The following ADGRL2 variants were observed in gnomAD, a reference collection of about 807,000 sequenced individuals.
ADGRL2 encodes calcium-independent alpha-latrotoxin receptor 2.
ADGRL2 carries 44 observed loss-of-function variants against 157.4 expected under a neutral mutation model. The ratio of observed to expected loss-of-function variants is 0.28; its 90% CI spans 0.22 to 0.36. The LOEUF (loss-of-function observed/expected upper bound fraction) is 0.36. ADGRL2 is among the 10% of genes least tolerant of loss of function. The pLI is 1.00. For missense variants in ADGRL2, 1,510 were observed against 1,768.9 expected (o/e 0.85, Z 2.63); for synonymous variants, 585 against 624.7 (o/e 0.94, Z 0.95).
intron 4 of ADGRL2, among the ~76,000 whole-genome samples, chr1:81,938,800 A>G (rs1400903849): frequency 2.4e-5 from 2 of 84,236 alleles, no homozygotes; most frequent in Non-Finnish European, 4.8e-5. Flanking sequence ...TTCTAATCCT[A>G]TGTAGGACAG....
At chr1:81,616,746 G>C (rs571770283) in intron 3 of ADGRL2, among the ~76,000 whole-genome samples, 1 of 139,836 alleles carries the variant, frequency 7.2e-6, no homozygotes. Context: ...GCACAATCTC[G>C]GCTCACTGTA....
intron 1 of ADGRL2, among the ~76,000 whole-genome samples, chr1:81,429,280 T>C (rs1277623604): frequency 6.6e-6 from 1 of 151,624 alleles, no homozygotes; most frequent in African/African-American, 2.4e-5. Flanking sequence ...ACTGTTACCT[T>C]TTTTTTTAAC....
chr1:81,391,097 G>A (rs569177318), intron 1 of ADGRL2, among the ~76,000 whole-genome samples: 1 of 152,252 alleles, frequency 6.6e-6, no homozygotes, highest in Non-Finnish European at 1.5e-5. Context: ...TATGCTGTTT[G>A]AAGTGTAACA....
chr1:81,507,010 C>T (rs549666158), intron 2 of ADGRL2, among the ~76,000 whole-genome samples: 9 of 151,900 alleles, frequency 5.9e-5, no homozygotes, highest in African/African-American at 2.2e-4. Context: ...TAGGAGGAGA[C>T]AGAAAATAAA....
At chr1:81,911,268 A>C (rs2094714526) in intron 3 of ADGRL2, among the ~76,000 whole-genome samples, 1 of 152,208 alleles carries the variant, frequency 6.6e-6, no homozygotes, top group South Asian at 2.1e-4. Context: ...TATTTGTTTT[A>C]ATATTTTATA....
intron 1 of ADGRL2, among the ~76,000 whole-genome samples, chr1:81,831,415 TG>T (rs1411481561): frequency 6.6e-6 from 1 of 152,208 alleles, no homozygotes; most frequent in Non-Finnish European, 1.5e-5. Flanking sequence ...GCTATTCTTT[TG>T]GTGTTTCCTC....
At position 81,440,529 on chromosome 1, in the gene ADGRL2, C is replaced by A. The variant is rs200108377; in HGVS notation, c.-301-4507C>A. ...CTTACCTTTGGTAAATTTAGACAAT[C>A]CCGCAGATTTTAACTACCCCATCCA... On this transcript the variant is annotated intron_variant, in intron 1 of 24. Coordinates refer to the ADGRL2 transcript ENST00000370721. Among the ~76,000 whole-genome samples the A allele has an allele frequency of 3.2e-4, 48 of 152,270 alleles. 1 individual carries two copies. The East Asian group carries it at 9.3e-3, about 29-fold the overall frequency.
At chr1:81,414,750 G>T (rs1388729327) in intron 1 of ADGRL2, among the ~76,000 whole-genome samples, 2 of 152,230 alleles carry the variant, frequency 1.3e-5, no homozygotes, top group African/African-American at 4.8e-5. Flanking sequence ...GACTCTGGCT[G>T]TATTTTGGTG....
chr1:81,893,979 A>G (rs919860948), intron 2 of ADGRL2, among the ~76,000 whole-genome samples: 1 of 152,206 alleles, frequency 6.6e-6, no homozygotes, highest in Admixed American at 6.5e-5. Context: ...CATTTAAGGA[A>G]TGACTTTATA....
chr1:81,784,377 G>T (rs2086940598), intron 2 of ADGRL2, among the ~76,000 whole-genome samples: 1 of 152,106 alleles, frequency 6.6e-6, no homozygotes, highest in Non-Finnish European at 1.5e-5. Flanking sequence ...CCATATTCTT[G>T]ACTGTAGAAT....
intron 1 of ADGRL2, chr1:81,722,998 G>A (rs1209775923): frequency 1.3e-6 from 1 of 791,466 alleles, no homozygotes; most frequent in South Asian, 1.3e-5. Flanking sequence ...CAGCAAATTT[G>A]TCAAAATACC....
intron 2 of ADGRL2, among the ~76,000 whole-genome samples, chr1:81,892,551 A>T (rs2094293307): frequency 6.6e-6 from 1 of 152,124 alleles, no homozygotes; most frequent in African/African-American, 2.4e-5. Context: ...CAAAACATTC[A>T]TTGACAAGAG....
chr1:81,902,992 A>T (rs994915977), intron 2 of ADGRL2, among the ~76,000 whole-genome samples: 14 of 152,226 alleles, frequency 9.2e-5, no homozygotes, highest in African/African-American at 3.4e-4. Flanking sequence ...TTTATTAATT[A>T]TCGATCACTT....
At chr1:81,983,886 C>T (rs1453467923) in intron 19 of ADGRL2, among the ~76,000 whole-genome samples, 2 of 151,472 alleles carry the variant, frequency 1.3e-5, no homozygotes, top group African/African-American at 4.9e-5. Flanking sequence ...ACATGGGTAA[C>T]TCATTAATGT....
intron 2 of ADGRL2, among the ~76,000 whole-genome samples, chr1:81,558,163 A>G (rs916187813): frequency 2.0e-5 from 3 of 152,194 alleles, no homozygotes; most frequent in African/African-American, 4.8e-5. Context: ...CCATGTGCAA[A>G]GTAGAAGTAA....
chr1:81,543,452 T>A (rs1438942830), intron 2 of ADGRL2, among the ~76,000 whole-genome samples: 1 of 152,236 alleles, frequency 6.6e-6, no homozygotes, highest in Non-Finnish European at 1.5e-5. Context: ...GAGAAATACA[T>A]TTCTGCTGTT....
At chr1:81,633,711 T>A (rs920810139) in intron 3 of ADGRL2, among the ~76,000 whole-genome samples, 4 of 151,996 alleles carry the variant, frequency 2.6e-5, no homozygotes, top group African/African-American at 9.7e-5. Context: ...CAAAACTGAG[T>A]TGCCATCTTA....
At chr1:81,937,674 T>C (rs1382157288) in intron 4 of ADGRL2, among the ~76,000 whole-genome samples, 1 of 151,822 alleles carries the variant, frequency 6.6e-6, no homozygotes. Flanking sequence ...GAGATGTCAT[T>C]TAGTCATGTT....
chr1:81,978,063 G>A (rs138779485), intron 17 of ADGRL2, among the ~76,000 whole-genome samples: 2,515 of 151,202 alleles, frequency 0.017, 45 homozygotes, highest in South Asian at 0.06. Flanking sequence ...GTTAAAGCTA[G>A]TGTTGCATAA....
Sources: allele counts gnomAD v4.1 joint callset (sites outside exome capture counted in the v4.1 genomes callset), GRCh38; gene constraint gnomAD v4.1.1; transcripts MANE v1.5; gene names NCBI Gene and HGNC (gene_info 2026-07-23, HGNC 2026-07-21).